The following SLC22A23 variants were observed in gnomAD, a reference collection of about 807,000 sequenced individuals.
SLC22A23 encodes solute carrier family 22 member 23.
In SLC22A23, 26 loss-of-function variants were observed where a neutral mutation model predicts 61.0. The ratio of observed to expected loss-of-function variants is 0.43; its 90% CI spans 0.31 to 0.59. SLC22A23 has a LOEUF of 0.59. SLC22A23 is among the 20% of genes least tolerant of loss of function. The pLI is 0.11. For synonymous variants in SLC22A23, 430 were observed against 413.9 expected (o/e 1.04, Z -0.47); for missense variants, 796 against 934.7 (o/e 0.85, Z 1.94).
rs938080013 is a variant in SLC22A23, at chr6:3,286,197, C to G, written c.1546+662G>C. Among the ~76,000 whole-genome samples, 4 of 151,658 alleles carry G rather than the reference C, an allele frequency of 2.6e-5. No homozygotes were observed. The highest frequency in any genetic ancestry group is 9.7e-5 in the African/African-American group (4 of 41,224). ...TACTGCAACCTCTGCCTCCCAAGTT[C>G]AAGTGATTCTTCTGCCTCAGCCTCC... On this transcript the variant is annotated intron_variant, in intron 7 of 9. Transcript: ENST00000406686. This position sits in a 1 kb window ranked among gnomAD's most constrained non-coding sequence, Gnocchi z 4.2.
chr6:3,423,888 A>G (rs1770308543), intron 1 of SLC22A23, among the ~76,000 whole-genome samples: 1 of 151,626 alleles, frequency 6.6e-6, no homozygotes, highest in South Asian at 2.1e-4. Flanking sequence ...TTCTGCTGGG[A>G]GCCTCAGGGG....
At chr6:3,325,365 C>T (rs953422294) in intron 3 of SLC22A23, among the ~76,000 whole-genome samples, 1 of 152,150 alleles carries the variant, frequency 6.6e-6, no homozygotes, top group Admixed American at 6.5e-5. Flanking sequence ...GGGCACCATG[C>T]CAGCCAATTC....
At chr6:3,301,885 C>A (rs1257156179) in intron 4 of SLC22A23, among the ~76,000 whole-genome samples, 1 of 152,230 alleles carries the variant, frequency 6.6e-6, no homozygotes, top group Non-Finnish European at 1.5e-5. Context: ...AGGGAAAATC[C>A]AAAATGCGGC....
intron 1 of SLC22A23, among the ~76,000 whole-genome samples, chr6:3,449,674 G>T (rs1772076026): frequency 6.6e-6 from 1 of 152,120 alleles, no homozygotes; most frequent in African/African-American, 2.4e-5. Flanking sequence ...TAATCCCCTG[G>T]GTCAGGGAGG....
chr6:3,277,009 C>G (rs1291985192), intron 9 of SLC22A23: 1 of 152,250 alleles, frequency 6.6e-6, no homozygotes, highest in Non-Finnish European at 1.5e-5. Context: ...GCTCCAATGT[C>G]CAAGTGCAGT....
In SLC22A23 at chr6:3,414,574, A is replaced by G. The variant is rs1769531013; in HGVS notation, c.758+1178T>C. On this transcript the variant is annotated intron_variant, in intron 2 of 9. Coordinates refer to ENST00000406686, the MANE Select transcript of SLC22A23 (RefSeq NM_015482.2). The surrounding 1 kb of genome is among the most constrained non-coding windows in gnomAD (Gnocchi z 5.1). ...TTTGGAAGAAATTTTCCACATGTGT[A>G]ATGTGACCCTCTGCTGCTGTCCGCC... is the stretch of plus-strand genomic sequence containing the variant. Among the ~76,000 whole-genome samples the G allele has an allele frequency of 6.6e-6, 1 of 152,130 alleles. No homozygotes were observed. The highest frequency in any genetic ancestry group is 1.5e-5 in the Non-Finnish European group (1 of 68,030).
At chr6:3,422,848 T>C (rs913826148) in intron 1 of SLC22A23, among the ~76,000 whole-genome samples, 8 of 152,090 alleles carry the variant, frequency 5.3e-5, no homozygotes, top group African/African-American at 1.9e-4. Context: ...GGGGCAAAAA[T>C]AGATTGCAAA....
At position 3,414,785 on chromosome 6, in the gene SLC22A23, C is replaced by G. The variant is rs1390275333; in HGVS notation, c.758+967G>C. Among the ~76,000 whole-genome samples, 3 of 147,292 alleles carry G rather than the reference C, an allele frequency of 2.0e-5. No homozygotes were observed. Among genetic ancestry groups the G allele is most frequent in the Non-Finnish European group, 4.5e-5 (3 of 67,068 alleles). On this transcript the variant is annotated intron_variant, in intron 2 of 9. Coordinates refer to ENST00000406686, the MANE Select transcript of SLC22A23 (RefSeq NM_015482.2). This position sits in a 1 kb window ranked among gnomAD's most constrained non-coding sequence, Gnocchi z 5.1. ...AGAATGTAAGCTGGGGAGACAGTTA[C>G]ACTACGCCTCTCTCCTGAGCAATCT...
chr6:3,401,583 G>A (rs1768394854), intron 3 of SLC22A23, among the ~76,000 whole-genome samples: 1 of 152,102 alleles, frequency 6.6e-6, no homozygotes, highest in East Asian at 1.9e-4. Context: ...CTGACCTACT[G>A]GGCAATCTTT....
chr6:3,403,079 A>G (rs1470167022), intron 3 of SLC22A23, among the ~76,000 whole-genome samples: 2 of 152,064 alleles, frequency 1.3e-5, no homozygotes. Flanking sequence ...CTCAGCCAAG[A>G]GTCTGTCTTT....
intron 3 of SLC22A23, among the ~76,000 whole-genome samples, chr6:3,363,674 A>G (rs1482115211): frequency 6.6e-6 from 1 of 152,240 alleles, no homozygotes; most frequent in East Asian, 1.9e-4. Flanking sequence ...CCAAAAAGGG[A>G]AAAGCACAGC....
Position 3,271,298 on chromosome 6 carries a change from G to A in SLC22A23, c.*1757C>T, listed in dbSNP as rs1758459985. On this transcript the variant is annotated 3_prime_UTR_variant, in exon 10 of 10. Coordinates refer to ENST00000406686, the MANE Select transcript of SLC22A23 (RefSeq NM_015482.2). ...GCTGGCCAGACAGCCTCCCTTCCTGGGTATCTCAAGATCCCAGGTGTCGGC... is the reference window on the plus strand; with the variant it reads ...GCTGGCCAGACAGCCTCCCTTCCTGAGTATCTCAAGATCCCAGGTGTCGGC... The A allele has an allele frequency of 6.6e-6, 1 of 152,276 alleles. No homozygotes were observed. Among genetic ancestry groups the A allele is most frequent in the Non-Finnish European group, 1.5e-5 (1 of 68,044 alleles). The allele number at this position is 152,276 out of a possible 1,614,324, so 9.4% of individuals were successfully genotyped here.
At chr6:3,438,958 G>A (rs1045904750) in intron 1 of SLC22A23, among the ~76,000 whole-genome samples, 17 of 152,236 alleles carry the variant, frequency 1.1e-4, no homozygotes, top group African/African-American at 3.9e-4. Flanking sequence ...AAGAGCAGAG[G>A]TCCCACTGTC....
At chr6:3,362,412 A>G (rs138288698) in intron 3 of SLC22A23, among the ~76,000 whole-genome samples, 1 of 99,528 alleles carries the variant, frequency 1.0e-5, no homozygotes, top group African/African-American at 4.1e-5. Context: ...CACAAAAAAA[A>G]AAAATAAAAT....
intron 1 of SLC22A23, among the ~76,000 whole-genome samples, chr6:3,429,611 A>G (rs1770727566): frequency 6.6e-6 from 1 of 152,252 alleles, no homozygotes; most frequent in African/African-American, 2.4e-5. Flanking sequence ...ACCCATGTTC[A>G]TAGCAGCCCT....
chr6:3,352,332 GACAC>G (rs144064567), intron 3 of SLC22A23, among the ~76,000 whole-genome samples: 60 of 150,002 alleles, frequency 4.0e-4, no homozygotes, highest in African/African-American at 1.2e-3. Context: ...GACATGCACA[GACAC>G]ACACACACAC....
chr6:3,294,998 G>A (rs1581633760), intron 5 of SLC22A23, among the ~76,000 whole-genome samples: 1 of 152,206 alleles, frequency 6.6e-6, no homozygotes. Context: ...CAATGCAACC[G>A]CAATCCTAAC....
chr6:3,306,746 G>GT (rs548488945), intron 4 of SLC22A23, among the ~76,000 whole-genome samples: 137 of 148,252 alleles, frequency 9.2e-4, no homozygotes, highest in Middle Eastern at 3.4e-3. Flanking sequence ...AACCCCAGGT[G>GT]GGGGGAGAGA....
chr6:3,432,232 T>G lies in SLC22A23; in HGVS notation c.655-16377A>C, dbSNP rs1770914059. On this transcript the variant is annotated intron_variant, in intron 1 of 9. Coordinates refer to ENST00000406686, the MANE Select transcript of SLC22A23 (RefSeq NM_015482.2). ...ACGCCTCTGCTCCCTGGATCTTCAC[T>G]GAGAGCCTGCGGCAGGAAAGCTCTG... 6.1e-6 allele frequency: 6 copies of G among 985,468 alleles called. No homozygotes were observed. The South Asian group carries it at 2.8e-4, about 46-fold the overall frequency. 61.0% of individuals were successfully genotyped at this position (985,468 alleles called of 1,614,324 possible).
Sources: gnomAD v4.1 joint callset for allele counts (sites outside exome capture counted in the v4.1 genomes callset) on GRCh38, gnomAD v4.1.1 for gene constraint, Gnocchi (gnomAD v3.1) non-coding constraint, MANE v1.5 for transcripts, NCBI Gene and HGNC (gene_info 2026-07-23, HGNC 2026-07-21) for gene names.